Variants in RBMS3 observed in about 807,000 individuals in gnomAD.
RBMS3 encodes the protein RNA-binding motif, single-stranded-interacting protein 3.
In RBMS3, 27 loss-of-function variants were observed where a neutral mutation model predicts 66.8. The observed-to-expected ratio is 0.40, with a 90% CI of 0.30 to 0.56. The LOEUF is 0.56. Ranked by LOEUF, RBMS3 falls within the 20% of genes least tolerant of loss-of-function variation. RBMS3 has a pLI of 0.40. For missense variants in RBMS3, 513 were observed against 549.5 expected (o/e 0.93, Z 0.66); for synonymous variants, 188 against 183.0 (o/e 1.03, Z -0.22).
chr3:29,928,201 T>TACACAC (rs1227395276), intron 10 of RBMS3, among the ~76,000 whole-genome samples: 35 of 109,042 alleles, frequency 3.2e-4, no homozygotes, highest in African/African-American at 1.1e-3. Context: ...TATATATATA[T>TACACAC]ATATATATAT....
chr3:29,666,851 G>A (rs957429034), intron 4 of RBMS3, among the ~76,000 whole-genome samples: 12 of 152,058 alleles, frequency 7.9e-5, no homozygotes, highest in African/African-American at 2.7e-4. Flanking sequence ...TATCACAGTT[G>A]TTAATGAGTA....
At chr3:29,961,850 G>A (rs1475619684) in intron 12 of RBMS3, among the ~76,000 whole-genome samples, 1 of 151,512 alleles carries the variant, frequency 6.6e-6, no homozygotes, top group Admixed American at 6.6e-5. Context: ...AGATTTGGGT[G>A]GGGACACAGC....
At chr3:29,434,382 G>A (rs1420182716) in intron 1 of RBMS3, among the ~76,000 whole-genome samples, 1 of 152,154 alleles carries the variant, frequency 6.6e-6, no homozygotes, top group Non-Finnish European at 1.5e-5. Flanking sequence ...GTAAGCTAGG[G>A]TCAGAGTTTA....
At chr3:29,378,937 T>C (rs556226943) in intron 1 of RBMS3, among the ~76,000 whole-genome samples, 1 of 152,250 alleles carries the variant, frequency 6.6e-6, no homozygotes, top group African/African-American at 2.4e-5. Context: ...TATCTCTCAT[T>C]TGATTTCTAT....
intron 3 of RBMS3, among the ~76,000 whole-genome samples, chr3:29,525,807 T>C (rs940833348): frequency 2.6e-5 from 4 of 152,196 alleles, no homozygotes; most frequent in African/African-American, 9.6e-5. Flanking sequence ...CTCACAGTTG[T>C]CTACACTGGG....
At chr3:29,813,235 A>G (rs1430084641) in intron 6 of RBMS3, among the ~76,000 whole-genome samples, 1 of 152,076 alleles carries the variant, frequency 6.6e-6, no homozygotes, top group African/African-American at 2.4e-5. Context: ...TTTATGGGTC[A>G]TCATACATGC....
At chr3:29,890,409 G>A (rs1489975269) in intron 8 of RBMS3, among the ~76,000 whole-genome samples, 2 of 151,522 alleles carry the variant, frequency 1.3e-5, no homozygotes, top group Non-Finnish European at 3.0e-5. Flanking sequence ...ATATAACTCA[G>A]AGATAAGTAA....
At chr3:29,507,248 C>T (rs2044217272) in intron 3 of RBMS3, among the ~76,000 whole-genome samples, 1 of 151,642 alleles carries the variant, frequency 6.6e-6, no homozygotes, top group East Asian at 1.9e-4. Context: ...ACTTTCCATA[C>T]TCTTTAGGTA....
chr3:29,744,509 C>T (rs980641818), intron 5 of RBMS3, among the ~76,000 whole-genome samples: 25 of 152,064 alleles, frequency 1.6e-4, no homozygotes, highest in Admixed American at 2.6e-4. Context: ...GCCGGCTGGG[C>T]GCGGTGGCTC....
At chr3:29,415,971 ATGGG>A (rs1042041760) in intron 1 of RBMS3, among the ~76,000 whole-genome samples, 2 of 152,164 alleles carry the variant, frequency 1.3e-5, no homozygotes, top group African/African-American at 4.8e-5. Flanking sequence ...ATGAAGGGGC[ATGGG>A]CTAAAACACA....
chr3:29,357,079 A>G (rs569550357), intron 1 of RBMS3, among the ~76,000 whole-genome samples: 2 of 152,114 alleles, frequency 1.3e-5, no homozygotes, highest in Non-Finnish European at 2.9e-5. Context: ...TTTAAGTTCT[A>G]GGGTACATGT....
intron 1 of RBMS3, among the ~76,000 whole-genome samples, chr3:29,334,297 G>C (rs931313061): frequency 5.9e-5 from 9 of 152,220 alleles, no homozygotes; most frequent in Admixed American, 3.9e-4. Context: ...CCAAGATTGA[G>C]AGTTAAGATG....
intron 1 of RBMS3, among the ~76,000 whole-genome samples, chr3:29,334,910 A>G (rs1309832582): frequency 6.6e-6 from 1 of 152,198 alleles, no homozygotes; most frequent in Non-Finnish European, 1.5e-5. Flanking sequence ...TCCAGTATCA[A>G]ATTGAATGCT....
At chr3:29,623,464 C>T (rs949570824) in intron 4 of RBMS3, among the ~76,000 whole-genome samples, 4 of 151,406 alleles carry the variant, frequency 2.6e-5, no homozygotes, top group Admixed American at 6.6e-5. Context: ...TGGTGGCGGG[C>T]GCCTGTAGTT....
At chr3:29,779,725 A>ATATATATATATATATAT (rs1301512844) in intron 6 of RBMS3, among the ~76,000 whole-genome samples, 21 of 144,884 alleles carry the variant, frequency 1.4e-4, no homozygotes, top group South Asian at 8.6e-4. Flanking sequence ...ATATATATAT[A>ATATATATATATATATAT]AACAACCCCA....
chr3:29,589,340 T>C (rs760693722), intron 4 of RBMS3, among the ~76,000 whole-genome samples: 2 of 152,112 alleles, frequency 1.3e-5, no homozygotes, highest in Non-Finnish European at 1.5e-5. Flanking sequence ...CTAAAACGAT[T>C]ATTTTTCCTA....
At chr3:29,905,596 C>T (rs1192503663) in intron 10 of RBMS3, among the ~76,000 whole-genome samples, 1 of 152,000 alleles carries the variant, frequency 6.6e-6, no homozygotes, top group Non-Finnish European at 1.5e-5. Flanking sequence ...TTCTGTCCTG[C>T]TTCTCTATTT....
At chr3:29,395,368 T>C (rs1248605758) in intron 1 of RBMS3, among the ~76,000 whole-genome samples, 1 of 152,104 alleles carries the variant, frequency 6.6e-6, no homozygotes, top group Admixed American at 6.6e-5. Flanking sequence ...GCATGTAGGG[T>C]ATGGGGAAAA....
intron 3 of RBMS3, among the ~76,000 whole-genome samples, chr3:29,541,862 C>T (rs909269898): frequency 6.6e-6 from 1 of 152,132 alleles, no homozygotes; most frequent in Non-Finnish European, 1.5e-5. Context: ...GTCTCCTCTG[C>T]TTCAATGCCC....
Sources: allele counts gnomAD v4.1 joint callset (sites outside exome capture counted in the v4.1 genomes callset), GRCh38; gene constraint gnomAD v4.1.1; transcripts MANE v1.5; gene names NCBI Gene and HGNC (gene_info 2026-07-23, HGNC 2026-07-21).